The following SPAG16 variants were observed in gnomAD, a reference collection of about 807,000 sequenced individuals.
SPAG16 encodes the protein sperm-associated antigen 16 protein.
Under a neutral mutation model 80.4 loss-of-function variants are expected in SPAG16, and 86 were observed. That is an observed-to-expected ratio of 1.07 (90% CI 0.90 to 1.28). The LOEUF (loss-of-function observed/expected upper bound fraction) is 1.28. SPAG16 is among the 50% of genes most tolerant of loss of function. SPAG16 has a pLI of 0.00. For synonymous variants in SPAG16, 294 were observed against 265.9 expected (o/e 1.11, Z -1.03); for missense variants, 870 against 765.3 (o/e 1.14, Z -1.61).
At chr2:213,488,643 G>T (rs558280957) in intron 9 of SPAG16, among the ~76,000 whole-genome samples, 2 of 151,690 alleles carry the variant, frequency 1.3e-5, no homozygotes, top group African/African-American at 4.8e-5. Context: ...AGAGAAAGAT[G>T]GAAAAAAATT....
chr2:213,736,304 C>CT lies in SPAG16; in HGVS notation c.1071-126174dup, dbSNP rs1268451951. Among the ~76,000 whole-genome samples the CT allele has an allele frequency of 9.3e-5, 14 of 150,854 alleles. No individual in the cohort carries two copies. In the East Asian group the frequency reaches 1.2e-3, roughly 13 times the overall value. ...TTGCTGTAGGTTCAGATTTTTTTTTCTTTTTTTGAGATGGAGTCTCACTCT... is the reference window on the plus strand; with the variant it reads ...TTGCTGTAGGTTCAGATTTTTTTTTCTTTTTTTTGAGATGGAGTCTCACTCT... On this transcript the variant is annotated intron_variant, in intron 10 of 15. Coordinates refer to ENST00000331683, the MANE Select transcript of SPAG16 (RefSeq NM_024532.5).
chr2:213,515,706 G>GGCTCA (rs2075394358), intron 10 of SPAG16, among the ~76,000 whole-genome samples: 1 of 152,104 alleles, frequency 6.6e-6, no homozygotes, highest in African/African-American at 2.4e-5. Context: ...GAGCAGAAAA[G>GGCTCA]GCTCACTGCA....
At chr2:213,436,607 A>G (rs2070654845) in intron 9 of SPAG16, among the ~76,000 whole-genome samples, 1 of 152,186 alleles carries the variant, frequency 6.6e-6, no homozygotes, top group Non-Finnish European at 1.5e-5. Context: ...ATTATATTTT[A>G]TACTTCATAT....
intron 14 of SPAG16, among the ~76,000 whole-genome samples, chr2:214,143,643 A>G (rs1434043365): frequency 1.3e-5 from 2 of 152,224 alleles, no homozygotes; most frequent in Non-Finnish European, 2.9e-5. Context: ...ATTACATACA[A>G]TCAACATTGA....
At chr2:214,235,550 T>C (rs1689217052) in intron 15 of SPAG16, among the ~76,000 whole-genome samples, 2 of 152,100 alleles carry the variant, frequency 1.3e-5, no homozygotes, top group African/African-American at 4.8e-5. Context: ...CCTGGAACCC[T>C]GCATAGAATG....
intron 9 of SPAG16, among the ~76,000 whole-genome samples, chr2:213,399,454 TGTG>T (rs1191000989): frequency 6.6e-6 from 1 of 152,104 alleles, no homozygotes; most frequent in Non-Finnish European, 1.5e-5. Flanking sequence ...AATATTTTAA[TGTG>T]GTAAATGTTG....
At chr2:213,311,176 A>G (rs941508167) in intron 4 of SPAG16, among the ~76,000 whole-genome samples, 2 of 151,758 alleles carry the variant, frequency 1.3e-5, no homozygotes, top group Non-Finnish European at 3.0e-5. Context: ...TGGAAGAAAA[A>G]TAATACTGCT....
chr2:213,457,254 T>C (rs1296597030), intron 9 of SPAG16, among the ~76,000 whole-genome samples: 1 of 152,210 alleles, frequency 6.6e-6, no homozygotes, highest in African/African-American at 2.4e-5. Context: ...ATTCCTCTTT[T>C]CCAAGCATTT....
intron 13 of SPAG16, among the ~76,000 whole-genome samples, chr2:214,101,621 G>A (rs2053038840): frequency 6.6e-6 from 1 of 152,064 alleles, no homozygotes; most frequent in African/African-American, 2.4e-5. Context: ...AGGAATATTG[G>A]AAAGATTTGG....
At chr2:213,952,319 C>T (rs2079831018) in intron 12 of SPAG16, among the ~76,000 whole-genome samples, 1 of 151,848 alleles carries the variant, frequency 6.6e-6, no homozygotes, top group Admixed American at 6.6e-5. Context: ...GATAGAGCAT[C>T]AAGCTTCAGA....
intron 12 of SPAG16, among the ~76,000 whole-genome samples, chr2:214,007,043 A>G: frequency 6.6e-6 from 1 of 152,296 alleles, no homozygotes; most frequent in East Asian, 1.9e-4. Context: ...TGTGTACAGC[A>G]TTTTACCAAT....
intron 4 of SPAG16, among the ~76,000 whole-genome samples, chr2:213,313,203 A>T (rs551959717): frequency 6.6e-6 from 1 of 151,870 alleles, no homozygotes; most frequent in East Asian, 1.9e-4. Flanking sequence ...TTTGACCACT[A>T]TAAATACATC....
chr2:213,658,628 G>A (rs1190029410), intron 10 of SPAG16, among the ~76,000 whole-genome samples: 1 of 152,196 alleles, frequency 6.6e-6, no homozygotes, highest in Non-Finnish European at 1.5e-5. Context: ...TGCATGGGTA[G>A]CAGAGCTGGA....
At chr2:213,614,776 A>G (rs1053737968) in intron 10 of SPAG16, among the ~76,000 whole-genome samples, 4 of 152,208 alleles carry the variant, frequency 2.6e-5, no homozygotes, top group Admixed American at 6.5e-5. Context: ...TTAAATTAAG[A>G]TTGGTTAATA....
At chr2:214,234,454 G>A (rs1688936348) in intron 15 of SPAG16, among the ~76,000 whole-genome samples, 1 of 152,084 alleles carries the variant, frequency 6.6e-6, no homozygotes, top group African/African-American at 2.4e-5. Flanking sequence ...GGTCTTTGAG[G>A]AATTACCACA....
chr2:213,824,508 C>T (rs2073149634), intron 10 of SPAG16, among the ~76,000 whole-genome samples: 1 of 152,144 alleles, frequency 6.6e-6, no homozygotes. Context: ...TTCCTTTCGC[C>T]TTTGTGTGTT....
At chr2:214,209,744 T>C (rs2058239954) in intron 15 of SPAG16, among the ~76,000 whole-genome samples, 1 of 152,166 alleles carries the variant, frequency 6.6e-6, no homozygotes, top group East Asian at 1.9e-4. Flanking sequence ...CCCAGAAACA[T>C]GAACACTTCC....
intron 10 of SPAG16, among the ~76,000 whole-genome samples, chr2:213,593,840 T>A (rs979219992): frequency 7.3e-6 from 1 of 136,152 alleles, no homozygotes; most frequent in Non-Finnish European, 1.5e-5. Context: ...AGTGTAGAGA[T>A]CTCGGCTCAC....
At chr2:214,281,886 G>C (rs1692967533) in intron 15 of SPAG16, among the ~76,000 whole-genome samples, 1 of 152,132 alleles carries the variant, frequency 6.6e-6, no homozygotes, top group African/African-American at 2.4e-5. Context: ...ATGATACTGA[G>C]TTTTAAAAGC....
Sources: allele counts gnomAD v4.1 joint callset (sites outside exome capture counted in the v4.1 genomes callset), GRCh38; gene constraint gnomAD v4.1.1; transcripts MANE v1.5; gene names NCBI Gene and HGNC (gene_info 2026-07-23, HGNC 2026-07-21).